The following PTPRE variants were observed in gnomAD, a reference collection of about 807,000 sequenced individuals.
PTPRE encodes receptor-type tyrosine-protein phosphatase epsilon.
PTPRE carries 51 observed loss-of-function variants against 102.0 expected under a neutral mutation model. The ratio of observed to expected loss-of-function variants is 0.50; its 90% CI spans 0.40 to 0.63. The LOEUF is 0.63. Among genes scored for constraint, PTPRE ranks in the 30% least tolerant of loss-of-function variants. The pLI is 0.00. For synonymous variants in PTPRE, 345 were observed against 348.2 expected, an observed-to-expected ratio of 0.99 and a Z score of 0.10; for missense variants, 752 against 915.1, an observed-to-expected ratio of 0.82 and a Z score of 2.30.
chr10:128,042,478 T>C (rs1357217332), intron 3 of PTPRE, among the ~76,000 whole-genome samples: 2 of 152,192 alleles, frequency 1.3e-5, no homozygotes, highest in Non-Finnish European at 2.9e-5. Flanking sequence ...CAGAACTAAA[T>C]GTGAAACTCA....
intron 2 of PTPRE, among the ~76,000 whole-genome samples, chr10:128,012,386 G>T (rs774761834): frequency 6.6e-6 from 1 of 152,158 alleles, no homozygotes; most frequent in South Asian, 2.1e-4. Flanking sequence ...CCCTGCACCT[G>T]TGAGGTCTGG....
At chr10:127,914,755 A>T (rs1846094585) in intron 1 of PTPRE, among the ~76,000 whole-genome samples, 1 of 152,166 alleles carries the variant, frequency 6.6e-6, no homozygotes, top group Non-Finnish European at 1.5e-5. Context: ...CACTTCTCAG[A>T]TGGTGAGCTT....
At position 128,070,996 on chromosome 10, in the gene PTPRE, C is replaced by A; in HGVS notation, c.1387+95C>A. ...AAGCCATTGACCGCTTACCCCTGTG[C>A]ACCAGGGTCAAAAGCAGGGTGTCCT... On this transcript the variant is annotated intron_variant, in intron 15 of 20. Coordinates refer to ENST00000254667, the MANE Select transcript of PTPRE (RefSeq NM_006504.6). This position sits in a 1 kb window ranked among gnomAD's most constrained non-coding sequence, Gnocchi z 4.8. The A allele has an allele frequency of 8.0e-7, 1 of 1,246,936 alleles. No homozygotes were observed. The allele number at this position is 1,246,936 out of a possible 1,614,324, so 77.2% of individuals were successfully genotyped here.
intron 1 of PTPRE, among the ~76,000 whole-genome samples, chr10:127,951,148 A>G (rs1386203636): frequency 1.3e-5 from 2 of 152,208 alleles, no homozygotes; most frequent in African/African-American, 4.8e-5. Flanking sequence ...CCTGATCTGT[A>G]TAAGCATAAA....
At chr10:127,974,009 C>T (rs1269981382) in intron 1 of PTPRE, among the ~76,000 whole-genome samples, 1 of 152,244 alleles carries the variant, frequency 6.6e-6, no homozygotes, top group African/African-American at 2.4e-5. Context: ...AGTCAGGAAT[C>T]CACAGTCCAC....
rs188478062 is a variant in PTPRE at position 127,964,195 on chromosome 10, A to C, written c.-30-18079A>C. On this transcript the variant is annotated intron_variant, in intron 1 of 20. Coordinates refer to ENST00000254667, the MANE Select transcript of PTPRE (RefSeq NM_006504.6). The stretch of plus-strand genomic sequence containing the variant: ...ATTTATTTATTTATTTTTGAGACAG[A>C]GTCTTGCTCTGTTGCCCAGGCTGGA... Among the ~76,000 whole-genome samples, 43 of 152,186 alleles carry C rather than the reference A, an allele frequency of 2.8e-4. No individual in the cohort carries two copies. In the East Asian group the frequency reaches 7.5e-3, roughly 27 times the overall value.
chr10:127,981,341 G>A (rs1331386203), intron 1 of PTPRE, among the ~76,000 whole-genome samples: 1 of 152,112 alleles, frequency 6.6e-6, no homozygotes, highest in Non-Finnish European at 1.5e-5. Flanking sequence ...AGCTAATAGT[G>A]GGTGTGGGGT....
intron 1 of PTPRE, among the ~76,000 whole-genome samples, chr10:127,910,370 A>G (rs530180985): frequency 3.3e-5 from 5 of 152,256 alleles, no homozygotes; most frequent in Admixed American, 6.5e-5. Context: ...GTCTCCACAA[A>G]GCCTTCCTGG....
At chr10:128,042,436 A>T (rs1335731171) in intron 3 of PTPRE, among the ~76,000 whole-genome samples, 1 of 152,164 alleles carries the variant, frequency 6.6e-6, no homozygotes, top group Non-Finnish European at 1.5e-5. Flanking sequence ...TTGCAGGAGG[A>T]GGACACTGTC....
chr10:127,951,448 T>A (rs1849016516), intron 1 of PTPRE, among the ~76,000 whole-genome samples: 2 of 152,244 alleles, frequency 1.3e-5, no homozygotes, highest in South Asian at 2.1e-4. Context: ...GGCTCTGAAC[T>A]GACATTGATT....
intron 2 of PTPRE, among the ~76,000 whole-genome samples, chr10:128,003,784 G>T (rs1187141419): frequency 6.6e-6 from 1 of 152,212 alleles, no homozygotes; most frequent in African/African-American, 2.4e-5. Context: ...AATGGGGCCC[G>T]CAGACTGTAG....
chr10:128,025,303 G>A lies in PTPRE; in HGVS notation c.-7-15572G>A, dbSNP rs182186153. Among the ~76,000 whole-genome samples the A allele has an allele frequency of 7.2e-5, 11 of 152,202 alleles. No individual in the cohort carries two copies. The East Asian group carries it at 2.1e-3, about 29-fold the overall frequency. On this transcript the variant is annotated intron_variant, in intron 2 of 20. Coordinates refer to ENST00000254667, the MANE Select transcript of PTPRE (RefSeq NM_006504.6). The stretch of plus-strand genomic sequence containing the variant: ...TTACTCTGCCAGCATCAGGGAATGG[G>A]GTCAGTGCTGTAACTCCCCAGTGAG...
intron 7 of PTPRE, among the ~76,000 whole-genome samples, chr10:128,057,040 A>AC (rs1373582292): frequency 6.6e-6 from 1 of 151,194 alleles, no homozygotes; most frequent in Non-Finnish European, 1.5e-5. Context: ...AGATGGTGAA[A>AC]CCCCGTCTCT....
chr10:128,070,616 G>A lies in PTPRE; in HGVS notation c.1293+166G>A, dbSNP rs1340819083. 6.6e-6 allele frequency among the ~76,000 whole-genome samples: 1 copy of A among 152,234 alleles called. No homozygotes were observed. Among genetic ancestry groups the A allele is most frequent in the Non-Finnish European group, 1.5e-5 (1 of 68,032 alleles). ...ATGATTTACAAGGGAAGAAGGATCA[G>A]GTGGCTTTCAGAGCCTCATAGCAGC... On this transcript the variant is annotated intron_variant, in intron 14 of 20. Transcript: ENST00000254667. The surrounding 1 kb of genome is among the most constrained non-coding windows in gnomAD (Gnocchi z 4.8).
chr10:127,969,761 G>T (rs1385627407), intron 1 of PTPRE, among the ~76,000 whole-genome samples: 1 of 152,096 alleles, frequency 6.6e-6, no homozygotes, highest in African/African-American at 2.4e-5. Flanking sequence ...GGTCAGACTG[G>T]GGCTCTTTTC....
intron 11 of PTPRE, among the ~76,000 whole-genome samples, chr10:128,066,934 G>T (rs1850162003): frequency 6.8e-6 from 1 of 146,992 alleles, no homozygotes; most frequent in African/African-American, 2.5e-5. Context: ...GCACACACAT[G>T]CACACATGCA....
intron 2 of PTPRE, among the ~76,000 whole-genome samples, chr10:128,005,726 C>T (rs1422818838): frequency 2.0e-5 from 3 of 152,162 alleles, no homozygotes; most frequent in Admixed American, 6.5e-5. Flanking sequence ...CTGGGCAGGC[C>T]GGCCATAAGC....
chr10:128,026,126 C>T (rs140369143), intron 2 of PTPRE, among the ~76,000 whole-genome samples: 5 of 152,312 alleles, frequency 3.3e-5, no homozygotes, highest in South Asian at 2.1e-4. Context: ...TGACTCTGCA[C>T]GGCCCAGGTG....
chr10:128,029,347 C>T (rs372853194), intron 2 of PTPRE, among the ~76,000 whole-genome samples: 8 of 152,226 alleles, frequency 5.3e-5, no homozygotes, highest in African/African-American at 1.9e-4. Flanking sequence ...TTGTTCTCCA[C>T]CAGCCCTGAC....
Sources: gnomAD v4.1 joint callset for allele counts (sites outside exome capture counted in the v4.1 genomes callset) on GRCh38, gnomAD v4.1.1 for gene constraint, Gnocchi (gnomAD v3.1) non-coding constraint, MANE v1.5 for transcripts, NCBI Gene and HGNC (gene_info 2026-07-23, HGNC 2026-07-21) for gene names.